The following ZBED6 variants were observed in gnomAD, a reference collection of about 807,000 sequenced individuals.
ZBED6 encodes zinc finger BED domain-containing protein 6.
ZBED6 carries 40 observed loss-of-function variants against 58.4 expected under a neutral mutation model. That is an observed-to-expected ratio of 0.68 (90% confidence interval 0.53 to 0.89). ZBED6 has a LOEUF of 0.89. Ranked by LOEUF, ZBED6 falls within the 40% of genes least tolerant of loss-of-function variation. The probability of loss-of-function intolerance (pLI) is 0.00; values close to 1 mark genes in which losing one functional copy is unlikely to be tolerated. For synonymous variants in ZBED6, 439 were observed against 350.6 expected, an observed-to-expected ratio of 1.25 and a Z score of -2.82; for missense variants, 1,057 against 1,003.9, an observed-to-expected ratio of 1.05 and a Z score of -0.71.
At chr1:203,824,004 C>T (rs1208077247) in intron 3 of ZBED6, among the ~76,000 whole-genome samples, 1 of 152,178 alleles carries the variant, frequency 6.6e-6, no homozygotes, top group African/African-American at 2.4e-5. Flanking sequence ...CGCCGTGGCT[C>T]ATGCCTGTAA....
intron 14 of ZBED6, 37 bp downstream of exon 14, chr1:203,850,063 C>T (rs1464015739): frequency 6.3e-7 from 1 of 1,585,562 alleles, no homozygotes; most frequent in Non-Finnish European, 8.6e-7. Flanking sequence ...TTTAGGTTAT[C>T]AAAATTACCA....
intron 1 of ZBED6, among the ~76,000 whole-genome samples, chr1:203,815,858 A>G (rs144679004): frequency 6.6e-6 from 1 of 152,274 alleles, no homozygotes; most frequent in East Asian, 1.9e-4. Flanking sequence ...ATATTCTCGT[A>G]TGTGCTTTTG....
chr1:203,836,669 G>A (rs1055424588), intron 9 of ZBED6, among the ~76,000 whole-genome samples: 1 of 152,180 alleles, frequency 6.6e-6, no homozygotes, highest in Non-Finnish European at 1.5e-5. Context: ...CCAGCTACTC[G>A]GGAGGCTGAG....
chr1:203,824,467 T>G (rs1054743773), intron 3 of ZBED6, among the ~76,000 whole-genome samples: 5 of 152,138 alleles, frequency 3.3e-5, no homozygotes, highest in African/African-American at 9.7e-5. Flanking sequence ...TGGTTCCATA[T>G]TTGCGAATTT....
intron 9 of ZBED6, among the ~76,000 whole-genome samples, chr1:203,834,509 T>C (rs1683570139): frequency 6.6e-6 from 1 of 152,146 alleles, no homozygotes; most frequent in Non-Finnish European, 1.5e-5. Context: ...TGGGCTCAAG[T>C]GATCTGTCGG....
chr1:203,834,701 G>A (rs551127625), intron 9 of ZBED6, among the ~76,000 whole-genome samples: 11 of 152,194 alleles, frequency 7.2e-5, no homozygotes, highest in Non-Finnish European at 1.2e-4. Flanking sequence ...CCACGCTGGC[G>A]TGCACTGGCA....
exon 1 of ZBED6, chr1:203,798,898 A>T (rs955994096): frequency 1.3e-6 from 2 of 1,536,124 alleles, no homozygotes; most frequent in Non-Finnish European, 1.7e-6. Flanking sequence ...GCTGTACCTC[A>T]GTTATATGAT....
At chr1:203,849,661 G>C (rs1446717059) in intron 13 of ZBED6, 50 bp from the exon 14 acceptor site, 1 of 1,563,436 alleles carries the variant, frequency 6.4e-7, no homozygotes, top group Non-Finnish European at 8.8e-7. Context: ...ACATCATACA[G>C]GTTATTAGAG....
rs765335556 is a variant in ZBED6, at chr1:203,810,423, G to GT, written c.*2555-6489dup. On this transcript the variant is annotated intron_variant, in intron 1 of 16. Coordinates refer to ENST00000550078, the Ensembl canonical transcript of ZBED6. ...TCTTGTTTTACATTGTAGCTGTTAG[G>GT]TTTTTTTTTTTTTTGAGACAGAGTC... Among the ~76,000 whole-genome samples the GT allele has an allele frequency of 2.8e-3, 394 of 138,722 alleles. 2 individuals carry two copies. The highest frequency in any genetic ancestry group is 7.4e-3 in the Middle Eastern group (2 of 270). The allele number at this position is 138,722 out of a possible 152,430, so 91.0% of individuals were successfully genotyped here.
At chr1:203,823,001 C>A (rs551760391) in intron 3 of ZBED6, among the ~76,000 whole-genome samples, 12 of 152,286 alleles carry the variant, frequency 7.9e-5, no homozygotes, top group Admixed American at 2.0e-4. Context: ...TCTAAGCTAC[C>A]TATCTTGCAA....
At chr1:203,840,113 A>T (rs1037488209) in intron 10 of ZBED6, among the ~76,000 whole-genome samples, 193 bp from the exon 11 acceptor site, 7 of 149,544 alleles carry the variant, frequency 4.7e-5, no homozygotes, top group African/African-American at 1.7e-4. Flanking sequence ...TAATTTTTGC[A>T]ATTTTAGTAG....
At chr1:203,848,805 C>G (rs1295711559) in intron 13 of ZBED6, among the ~76,000 whole-genome samples, 1 of 152,108 alleles carries the variant, frequency 6.6e-6, no homozygotes, top group African/African-American at 2.4e-5. Flanking sequence ...ATGCATCATA[C>G]AAAAGTTGGA....
At chr1:203,824,352 A>G (rs1171426147) in intron 3 of ZBED6, among the ~76,000 whole-genome samples, 1 of 152,104 alleles carries the variant, frequency 6.6e-6, no homozygotes, top group Non-Finnish European at 1.5e-5. Context: ...CTCTGGAAGT[A>G]TAAAGGTGAA....
exon 1 of ZBED6, chr1:203,798,075 A>G: frequency 6.5e-7 from 1 of 1,536,118 alleles, no homozygotes; most frequent in Non-Finnish European, 8.7e-7. Context: ...ACCTCATTGG[A>G]CCAGGGCCAA....
chr1:203,812,986 A>G (rs537717981), intron 1 of ZBED6, among the ~76,000 whole-genome samples: 12 of 152,212 alleles, frequency 7.9e-5, no homozygotes, highest in African/African-American at 2.6e-4. Context: ...TTGGTGAGGT[A>G]CCTGTTCAGA....
upstream of ZBED6, chr1:203,795,678 C>T (rs535118655): frequency 1.3e-5 from 2 of 152,330 alleles, no homozygotes; most frequent in African/African-American, 4.8e-5. Flanking sequence ...TGGTTTTCTG[C>T]TAGTGCTGCT....
At chr1:203,832,400 G>T (rs1307193573) in intron 8 of ZBED6, among the ~76,000 whole-genome samples, 1 of 150,750 alleles carries the variant, frequency 6.6e-6, no homozygotes, top group Non-Finnish European at 1.5e-5. Context: ...TTGCTCTGTC[G>T]CCCAGGCTAA....
Position 203,847,750 on chromosome 1 carries a change from T to A in ZBED6, c.*4245+63T>A, listed in dbSNP as rs536600068. 192 of 1,556,856 alleles carry A rather than the reference T, an allele frequency of 1.2e-4. No homozygotes were observed. In the African/African-American group the frequency reaches 2.5e-3, roughly 20 times the overall value. On this transcript the variant is annotated intron_variant, in intron 12 of 16. Coordinates refer to ENST00000550078, the Ensembl canonical transcript of ZBED6. Reference sequence around the variant, plus strand: ...CATAATATTCCAGAGGAGTGTTCCGTGGGATCTTCCTAGGAGTTGTTTGAC... The same window carrying A: ...CATAATATTCCAGAGGAGTGTTCCGAGGGATCTTCCTAGGAGTTGTTTGAC...
intron 3 of ZBED6, among the ~76,000 whole-genome samples, chr1:203,826,428 A>G (rs1023141483): frequency 3.1e-4 from 47 of 152,060 alleles, no homozygotes; most frequent in African/African-American, 9.9e-4. Flanking sequence ...ATAGGTAATT[A>G]TGCATATGAC....
Sources: gnomAD v4.1 joint callset for allele counts (sites outside exome capture counted in the v4.1 genomes callset) on GRCh38, gnomAD v4.1.1 for gene constraint, MANE v1.5 for transcripts, NCBI Gene and HGNC (gene_info 2026-07-23, HGNC 2026-07-21) for gene names.